The following DHX8 variants were observed in gnomAD, a reference collection of about 807,000 sequenced individuals.
DHX8 encodes the protein ATP-dependent RNA helicase DHX8.
Under a neutral mutation model 140.7 loss-of-function variants are expected in DHX8, and 67 were observed. The ratio of observed to expected loss-of-function variants is 0.48; its 90% CI spans 0.39 to 0.58. The LOEUF (loss-of-function observed/expected upper bound fraction) is 0.58, where lower values mean the gene tolerates loss of function less well. DHX8 is among the 20% of genes least tolerant of loss of function. The probability of loss-of-function intolerance (pLI) is 0.00; values close to 1 mark genes in which losing one functional copy is unlikely to be tolerated. For synonymous variants in DHX8, 533 were observed against 553.2 expected (o/e 0.96, Z 0.51); for missense variants, 887 against 1,550.7 (o/e 0.57, Z 7.19).
At chr17:43,499,004 CT>C in intron 10 of DHX8, 45 bp downstream of exon 10, 1 of 1,458,412 alleles carries the variant, frequency 6.9e-7, no homozygotes, top group Non-Finnish European at 9.3e-7. Context: ...AAGTGGACTT[CT>C]TTTTCTAAAG....
downstream of DHX8, chr17:43,544,741 C>G (rs370565756): frequency 7.2e-5 from 35 of 483,466 alleles, no homozygotes; most frequent in East Asian, 8.2e-4. Flanking sequence ...GATTCATCCT[C>G]AAGCCTAGTT....
chr17:43,540,405 A>G (rs1204787383), intron 3 of DHX8, among the ~76,000 whole-genome samples: 1 of 152,222 alleles, frequency 6.6e-6, no homozygotes, highest in Non-Finnish European at 1.5e-5. Flanking sequence ...GTGAGCCAAG[A>G]TAGCACCAAT....
chr17:43,517,138 A>C lies in DHX8; in HGVS notation c.2644-29A>C, dbSNP rs773832839. ...AGCTGTTAAGCAGTGTTTAACAGAT[A>C]TGTTGCTTTTATATGCCCACCCCTC... On this transcript the variant is annotated intron_variant, in intron 17 of 22. Transcript: ENST00000262415. 19 of 1,599,342 alleles carry C rather than the reference A, an allele frequency of 1.2e-5. No homozygotes were observed. The East Asian group carries it at 4.1e-4, about 34-fold the overall frequency.
At position 43,496,219 on chromosome 17, in the gene DHX8, A is replaced by G. The variant is rs202189856; in HGVS notation, c.1251A>G (p.Pro417=). 2.0e-4 allele frequency: 319 copies of G among 1,614,014 alleles called. 1 individual carries two copies. In the Middle Eastern group the frequency reaches 6.6e-3, roughly 33 times the overall value. ...ATGTCCTTTCCAAAGAAGAATTTCCAGACTTTGATGAAGAGACTGGCATTC... is the reference window on the plus strand; with the variant it reads ...ATGTCCTTTCCAAAGAAGAATTTCCGGACTTTGATGAAGAGACTGGCATTC... The part of the protein sequence containing the change: ...AANVLSKEEF[P]DFDEETGILP... Residue 417 remains proline (P), a synonymous_variant, in exon 9 of 23, where the codon CCA becomes CCG. Transcript: ENST00000262415.
chr17:43,492,822 G>T lies in DHX8; in HGVS notation c.645G>T (p.Arg215Ser). 1.2e-6 allele frequency: 2 copies of T among 1,614,160 alleles called. No homozygotes were observed. The highest frequency in any genetic ancestry group is 1.7e-6 in the Non-Finnish European group (2 of 1,180,020). ...RSRSRSRTRE[R>S]NKVKSRYRSR... ...GATCACGTTCCAGGACCCGGGAGAG[G>T]AATAAAGTGAAGTCTAGATATCGGT... The change falls in exon 6 of 23, where the codon AGG becomes AGT. Residue 215 changes from arginine to serine, a missense_variant. Physicochemically the swap from Arg to Ser is moderately radical, Grantham distance 110. Transcript: ENST00000262415.
At chr17:43,507,407 A>G (rs1969555606) in intron 13 of DHX8, 96 bp from the exon 14 acceptor site, 8 of 1,238,646 alleles carry the variant, frequency 6.5e-6, no homozygotes, top group Non-Finnish European at 9.0e-6. Flanking sequence ...CAGATTCTTA[A>G]GATTATGAGT....
chr17:43,531,170 T>C (rs1434193897), downstream of DHX8, among the ~76,000 whole-genome samples: 1 of 152,028 alleles, frequency 6.6e-6, no homozygotes, highest in African/African-American at 2.4e-5. Context: ...CCTTGAACGG[T>C]TGTGGGCACC....
intron 17 of DHX8, among the ~76,000 whole-genome samples, chr17:43,514,645 T>C (rs148646521): frequency 6.6e-6 from 1 of 152,326 alleles, no homozygotes; most frequent in East Asian, 1.9e-4. Context: ...ACCTAACTGT[T>C]CTGCTTATAG....
At chr17:43,494,720 C>CAA (rs572905119) in intron 8 of DHX8, among the ~76,000 whole-genome samples, 5 of 57,834 alleles carry the variant, frequency 8.6e-5, no homozygotes, top group East Asian at 9.3e-4. Flanking sequence ...GACTCTGTCT[C>CAA]AAAAAAAAAA....
intron 16 of DHX8, among the ~76,000 whole-genome samples, chr17:43,512,055 A>G (rs1969872452): frequency 1.3e-5 from 2 of 151,984 alleles, no homozygotes; most frequent in Admixed American, 6.6e-5. Flanking sequence ...GTGTGGACGT[A>G]TGTTTTCATT....
downstream of DHX8, chr17:43,529,837 C>CTTCCTCA (rs1567706581): frequency 6.2e-7 from 1 of 1,607,412 alleles, no homozygotes. Flanking sequence ...TGCAGGGACA[C>CTTCCTCA]AGCGTGATAA....
intron 3 of DHX8, among the ~76,000 whole-genome samples, chr17:43,541,745 C>T (rs1567715490): frequency 6.6e-6 from 1 of 152,166 alleles, no homozygotes; most frequent in Non-Finnish European, 1.5e-5. Context: ...ACCGCTGTCC[C>T]TTACCCTGCC....
At chr17:43,484,499 G>C (rs867277560) in intron 1 of DHX8, among the ~76,000 whole-genome samples, 3 of 152,160 alleles carry the variant, frequency 2.0e-5, no homozygotes, top group Non-Finnish European at 4.4e-5. Context: ...CGATGACGAC[G>C]ATGATGGCTG....
At position 43,492,907 on chromosome 17, in the gene DHX8, C is replaced by T. The variant is rs199963654; in HGVS notation, c.730C>T (p.Arg244Trp). The change falls in exon 6 of 23, where the codon CGG (arginine) becomes TGG (tryptophan). Residue 244 changes from arginine (R) to tryptophan (W), a missense_variant. Coordinates refer to ENST00000262415, the MANE Select transcript of DHX8 (RefSeq NM_004941.3). ...DRKDRDKYGE[R>W]NLDRWRDKHV... is the part of the protein sequence containing the mutation. ...GAAGGACCGGGACAAATATGGAGAG[C>T]GGAATCTGGATAGATGGCGGGATAA... The T allele has an allele frequency of 1.7e-5, 28 of 1,614,064 alleles. No individual in the cohort carries two copies. Among genetic ancestry groups the T allele is most frequent in the South Asian group, 1.5e-4 (14 of 91,086 alleles).
chr17:43,523,062 CAAAAAA>C (rs5820498), intron 22 of DHX8, among the ~76,000 whole-genome samples: 1 of 102,716 alleles, frequency 9.7e-6, no homozygotes, highest in Non-Finnish European at 2.0e-5. Context: ...GACTCCGTCC[CAAAAAA>C]AAAAAAAAAA....
chr17:43,521,959 C>A, intron 21 of DHX8, 88 bp from the exon 22 acceptor site: 1 of 1,440,394 alleles, frequency 6.9e-7, no homozygotes, highest in Non-Finnish European at 9.6e-7. Flanking sequence ...ACTCTGGGCA[C>A]CCCAAGATGG....
At chr17:43,525,896 A>G (rs1169917203), downstream of DHX8, 1 of 985,252 alleles carries the variant, frequency 1.0e-6, no homozygotes, top group Non-Finnish European at 1.2e-6. Context: ...GTTGGGTTTC[A>G]AGCTGAGGTT....
chr17:43,495,533 C>T (rs889239262), intron 8 of DHX8, among the ~76,000 whole-genome samples: 1 of 152,204 alleles, frequency 6.6e-6, no homozygotes, highest in African/African-American at 2.4e-5. Context: ...TTGTCTCAGC[C>T]TCCCAAAGTG....
chr17:43,535,887 C>T (rs1204566377), intron 2 of DHX8, among the ~76,000 whole-genome samples: 3 of 152,094 alleles, frequency 2.0e-5, no homozygotes, highest in Non-Finnish European at 4.4e-5. Flanking sequence ...CCGAGGTGGG[C>T]GGATCACAAG....
Sources: allele counts gnomAD v4.1 joint callset (sites outside exome capture counted in the v4.1 genomes callset), GRCh38; gene constraint gnomAD v4.1.1; transcripts MANE v1.5; gene names NCBI Gene and HGNC (gene_info 2026-07-23, HGNC 2026-07-21).